Variants in CNTNAP5 observed in about 807,000 individuals in gnomAD.
CNTNAP5 encodes contactin-associated protein-like 5.
In CNTNAP5, 72 loss-of-function variants were observed where a neutral mutation model predicts 150.2. The observed-to-expected ratio is 0.48, with a 90% CI of 0.40 to 0.58. CNTNAP5 has a LOEUF of 0.58. CNTNAP5 is among the 20% of genes least tolerant of loss of function. CNTNAP5 has a pLI of 0.00. For missense variants in CNTNAP5, 1,636 were observed against 1,626.2 expected, an observed-to-expected ratio of 1.01 and a Z score of -0.10; for synonymous variants, 672 against 619.8, an observed-to-expected ratio of 1.08 and a Z score of -1.25.
At chr2:124,522,497 A>G (rs949932271) in intron 8 of CNTNAP5, among the ~76,000 whole-genome samples, 10 of 152,030 alleles carry the variant, frequency 6.6e-5, no homozygotes, top group Non-Finnish European at 1.3e-4. Flanking sequence ...CCACCCTGAT[A>G]TTACCATCCT....
chr2:124,434,451 A>G (rs887597307), intron 4 of CNTNAP5, 33 bp from the exon 5 acceptor site: 9 of 1,521,438 alleles, frequency 5.9e-6, no homozygotes, highest in Non-Finnish European at 8.2e-6. Context: ...AATATGCACT[A>G]ATTTTTCTTT....
chr2:124,270,731 C>A (rs1342718604), intron 3 of CNTNAP5, among the ~76,000 whole-genome samples: 1 of 152,130 alleles, frequency 6.6e-6, no homozygotes, highest in Non-Finnish European at 1.5e-5. Context: ...TAGGCCAAGA[C>A]AAAATGTTAC....
At chr2:124,256,658 T>C (rs2104595844) in intron 3 of CNTNAP5, among the ~76,000 whole-genome samples, 1 of 152,258 alleles carries the variant, frequency 6.6e-6, no homozygotes, top group African/African-American at 2.4e-5. Context: ...AGATGCCCAA[T>C]AGAACATGGA....
chr2:124,871,406 T>A (rs993646017), intron 21 of CNTNAP5, among the ~76,000 whole-genome samples: 2 of 151,956 alleles, frequency 1.3e-5, no homozygotes, highest in African/African-American at 2.4e-5. Flanking sequence ...CAGTCAGAGG[T>A]GTAACGGAGC....
At chr2:124,615,728 G>C (rs1677480622) in intron 12 of CNTNAP5, among the ~76,000 whole-genome samples, 1 of 152,148 alleles carries the variant, frequency 6.6e-6, no homozygotes, top group South Asian at 2.1e-4. Flanking sequence ...ACTTTGCCCA[G>C]ACACATGGGA....
intron 7 of CNTNAP5, among the ~76,000 whole-genome samples, chr2:124,477,944 A>G (rs1048521977): frequency 6.6e-6 from 1 of 152,086 alleles, no homozygotes; most frequent in Non-Finnish European, 1.5e-5. Flanking sequence ...GCTTATAAAA[A>G]CATTGCACAC....
intron 1 of CNTNAP5, among the ~76,000 whole-genome samples, chr2:124,043,274 C>A (rs73954366): frequency 0.018 from 2,703 of 152,212 alleles, 90 homozygotes; most frequent in African/African-American, 0.061. Context: ...TTTTACTTAA[C>A]CTCCTAAGTG....
chr2:124,704,867 T>C (rs2105093980), intron 13 of CNTNAP5, among the ~76,000 whole-genome samples: 1 of 152,202 alleles, frequency 6.6e-6, no homozygotes, highest in African/African-American at 2.4e-5. Context: ...GCCACTGCCT[T>C]TCCCTGTATT....
chr2:124,358,559 A>G (rs1327122212), intron 3 of CNTNAP5, among the ~76,000 whole-genome samples: 1 of 152,134 alleles, frequency 6.6e-6, no homozygotes, highest in Non-Finnish European at 1.5e-5. Flanking sequence ...CTATTGAGAT[A>G]ATCATGTGGT....
intron 10 of CNTNAP5, among the ~76,000 whole-genome samples, chr2:124,537,889 C>G (rs1407861513): frequency 2.6e-5 from 4 of 152,074 alleles, no homozygotes; most frequent in African/African-American, 9.7e-5. Flanking sequence ...CACAAAAGAG[C>G]CTTTATTCAT....
At chr2:124,767,619 T>C (rs1268209854) in intron 16 of CNTNAP5, among the ~76,000 whole-genome samples, 1 of 152,154 alleles carries the variant, frequency 6.6e-6, no homozygotes, top group Non-Finnish European at 1.5e-5. Flanking sequence ...TCCCTTCCTA[T>C]GCTTATTTAT....
At chr2:124,083,452 TTTTATTTGGTAAAGTCAAATCTG>T (rs1311659749) in intron 1 of CNTNAP5, among the ~76,000 whole-genome samples, 1 of 152,236 alleles carries the variant, frequency 6.6e-6, no homozygotes, top group Admixed American at 6.5e-5. Context: ...AATTAAAGTT[TTTTATTTGGTAAAGTCAAATCTG>T]ACTTTATGGA....
At chr2:124,112,844 C>A (rs569634931) in intron 1 of CNTNAP5, among the ~76,000 whole-genome samples, 1 of 152,172 alleles carries the variant, frequency 6.6e-6, no homozygotes, top group African/African-American at 2.4e-5. Context: ...TGTTTCATTT[C>A]TTGTGTATAA....
chr2:124,737,156 T>A (rs1459294690), intron 13 of CNTNAP5, among the ~76,000 whole-genome samples: 1 of 151,892 alleles, frequency 6.6e-6, no homozygotes, highest in Non-Finnish European at 1.5e-5. Context: ...CCAGACGTGA[T>A]TGTATGCTCT....
At chr2:124,371,023 G>C (rs1051713675) in intron 3 of CNTNAP5, among the ~76,000 whole-genome samples, 2 of 151,992 alleles carry the variant, frequency 1.3e-5, no homozygotes, top group Non-Finnish European at 2.9e-5. Flanking sequence ...AGCGGAGACT[G>C]TTTGTGCAGA....
chr2:124,715,038 A>G (rs1679915441), intron 13 of CNTNAP5, among the ~76,000 whole-genome samples: 1 of 152,218 alleles, frequency 6.6e-6, no homozygotes, highest in Non-Finnish European at 1.5e-5. Flanking sequence ...AAAACAAGAC[A>G]GTAGGACATT....
intron 21 of CNTNAP5, among the ~76,000 whole-genome samples, chr2:124,894,567 T>G (rs141457418): frequency 1.3e-5 from 2 of 151,282 alleles, no homozygotes; most frequent in East Asian, 3.9e-4. Context: ...TTCTTTTTTT[T>G]TTTTAAGACA....
Position 124,272,793 on chromosome 2 carries a change from A to G in CNTNAP5, c.381+30400A>G, listed in dbSNP as rs540160857. On this transcript the variant is annotated intron_variant, in intron 3 of 23. Coordinates refer to ENST00000682447, the MANE Select transcript of CNTNAP5 (RefSeq NM_001367498.1). ...TAAAAGTTCATTAAATCATATCTATACAATATTATTTCATTAATATTTTTA... is the reference window on the plus strand; with the variant it reads ...TAAAAGTTCATTAAATCATATCTATGCAATATTATTTCATTAATATTTTTA... Among the ~76,000 whole-genome samples the G allele has an allele frequency of 3.3e-5, 5 of 152,338 alleles. No homozygotes were observed. In the South Asian group the frequency reaches 1.0e-3, roughly 32 times the overall value.
At chr2:124,431,432 A>T (rs1317627998) in intron 4 of CNTNAP5, among the ~76,000 whole-genome samples, 1 of 151,192 alleles carries the variant, frequency 6.6e-6, no homozygotes. Flanking sequence ...GAATGGGGGA[A>T]ATAGCAGCAA....
Sources: gnomAD v4.1 joint callset for allele counts (sites outside exome capture counted in the v4.1 genomes callset) on GRCh38, gnomAD v4.1.1 for gene constraint, MANE v1.5 for transcripts, NCBI Gene and HGNC (gene_info 2026-07-23, HGNC 2026-07-21) for gene names.